The following KIAA1671 variants were observed in gnomAD, a reference collection of about 807,000 sequenced individuals.
KIAA1671 encodes uncharacterized protein KIAA1671.
Under a neutral mutation model 131.2 loss-of-function variants are expected in KIAA1671, and 52 were observed. The ratio of observed to expected loss-of-function variants is 0.40; its 90% CI spans 0.32 to 0.50. The LOEUF is 0.50. Among genes scored for constraint, KIAA1671 ranks in the 20% least tolerant of loss-of-function variants. The pLI, the probability that KIAA1671 is intolerant of heterozygous loss-of-function variation, is 0.73. For missense variants in KIAA1671, 2,360 were observed against 2,364.2 expected (o/e 1.00, Z 0.04); for synonymous variants, 1,003 against 961.6 (o/e 1.04, Z -0.80).
intron 7 of KIAA1671, among the ~76,000 whole-genome samples, chr22:25,173,654 G>A (rs1933924759): frequency 2.6e-5 from 4 of 152,124 alleles, no homozygotes; most frequent in Admixed American, 2.6e-4. Context: ...AGCTGCAAAT[G>A]CAAGACATAT....
intron 6 of KIAA1671, among the ~76,000 whole-genome samples, chr22:25,136,279 A>G (rs1267757856): frequency 1.3e-5 from 2 of 152,156 alleles, no homozygotes; most frequent in African/African-American, 4.8e-5. Flanking sequence ...AAACACAATC[A>G]GCATTATGAT....
At chr22:25,060,541 G>C (rs1046203739) in intron 6 of KIAA1671, 7 of 152,150 alleles carry the variant, frequency 4.6e-5, no homozygotes, top group African/African-American at 1.4e-4. Context: ...AGCTGCCTTC[G>C]GTTCACACTC....
intron 3 of KIAA1671, among the ~76,000 whole-genome samples, chr22:25,031,282 C>T (rs1292808068): frequency 4.6e-5 from 7 of 151,470 alleles, no homozygotes; most frequent in African/African-American, 1.5e-4. Flanking sequence ...CTGCAAGCTC[C>T]GCCTCCCAGG....
rs1304439346 is a variant in KIAA1671 at position 25,189,093 on chromosome 22, C to T, written c.5343-1609C>T. Among the ~76,000 whole-genome samples, 3 of 148,218 alleles carry T rather than the reference C, an allele frequency of 2.0e-5. No homozygotes were observed. In the South Asian group the frequency reaches 6.4e-4, roughly 32 times the overall value. On this transcript the variant is annotated intron_variant, in intron 11 of 12. Transcript: ENST00000358431. ...TGAGGAAGTGTCGAAGTCCAAAAGG[C>T]TTCCCTCTTCTTCCTGGGAGGCCAG... is the stretch of plus-strand genomic sequence containing the variant.
At chr22:25,069,025 C>A (rs2145846892) in intron 6 of KIAA1671, among the ~76,000 whole-genome samples, 1 of 152,310 alleles carries the variant, frequency 6.6e-6, no homozygotes, top group East Asian at 1.9e-4. Flanking sequence ...GGGTTATGGC[C>A]TCGGCTTATG....
chr22:24,975,194 C>T (rs933322755), intron 1 of KIAA1671, among the ~76,000 whole-genome samples: 1 of 152,146 alleles, frequency 6.6e-6, no homozygotes, highest in African/African-American at 2.4e-5. Context: ...TGGATTTGCC[C>T]GTTCTGGACA....
intron 5 of KIAA1671, among the ~76,000 whole-genome samples, chr22:25,046,227 A>T (rs1359393798): frequency 6.6e-6 from 1 of 152,090 alleles, no homozygotes; most frequent in African/African-American, 2.4e-5. Flanking sequence ...GCTTGAACCC[A>T]GGAAGCGGAG....
intron 6 of KIAA1671, among the ~76,000 whole-genome samples, chr22:25,155,694 G>A (rs995715518): frequency 1.5e-4 from 23 of 151,926 alleles, no homozygotes; most frequent in Admixed American, 9.8e-4. Flanking sequence ...GCATATCTGT[G>A]TGTTTATACA....
intron 6 of KIAA1671, among the ~76,000 whole-genome samples, chr22:25,125,522 C>T (rs904555625): frequency 1.3e-5 from 2 of 152,120 alleles, no homozygotes; most frequent in African/African-American, 4.8e-5. Context: ...ATTTGGGGTT[C>T]GTTTCCTGAG....
intron 6 of KIAA1671, among the ~76,000 whole-genome samples, chr22:25,150,049 T>G (rs761121202): frequency 1.3e-5 from 2 of 152,202 alleles, no homozygotes; most frequent in Non-Finnish European, 2.9e-5. Context: ...ATTTTAAGCT[T>G]CTCCAGGGCA....
rs963723774 is a variant in KIAA1671, at chr22:25,137,674, A to G, written c.4531-33146A>G. Among the ~76,000 whole-genome samples the G allele has an allele frequency of 5.9e-5, 9 of 152,220 alleles. No homozygotes were observed. The South Asian group carries it at 1.9e-3, about 32-fold the overall frequency. ...GGGGCACAGTTTACCAACTTCTATA[A>G]GTGTGTTTTTCACTTTCTGCTCAAT... On this transcript the variant is annotated intron_variant, in intron 6 of 12. Coordinates refer to ENST00000358431, the MANE Select transcript of KIAA1671 (RefSeq NM_001145206.2).
intron 5 of KIAA1671, among the ~76,000 whole-genome samples, chr22:25,048,149 G>A (rs1212117928): frequency 1.3e-5 from 2 of 152,222 alleles, no homozygotes; most frequent in Non-Finnish European, 2.9e-5. Flanking sequence ...TGTGGGAGGA[G>A]CAACTGTGGA....
intron 6 of KIAA1671, chr22:25,058,162 G>A (rs894432663): frequency 1.3e-5 from 2 of 152,158 alleles, no homozygotes; most frequent in African/African-American, 2.4e-5. Flanking sequence ...AAATCTAAAT[G>A]CATGGGGGCA....
chr22:24,988,237 G>A (rs531098524), intron 1 of KIAA1671, among the ~76,000 whole-genome samples: 3 of 139,780 alleles, frequency 2.1e-5, no homozygotes, highest in South Asian at 4.7e-4. Flanking sequence ...CCGAGATCGC[G>A]CCATTGCACT....
intron 12 of KIAA1671, among the ~76,000 whole-genome samples, chr22:25,191,451 C>T (rs966851908): frequency 1.3e-5 from 2 of 152,086 alleles, no homozygotes; most frequent in Admixed American, 6.5e-5. Context: ...CCACTGTGCC[C>T]GGCCAGAAAT....
chr22:25,040,386 A>G lies in KIAA1671; in HGVS notation c.3256A>G (p.Lys1086Glu). ...AGAGGCATTGGAGATGGCAGGCAGT[A>G]AAAACTGGATGAAGGGACGAGAGCA... ...HEEALEMAGS[K>E]NWMKGREHEN... Residue 1086 changes from lysine to glutamate, a missense_variant, in exon 5 of 13, where the codon AAA becomes GAA. By Grantham distance (56) the Lys-to-Glu change is moderately conservative. This residue lies in a region of KIAA1671 where 1,161 missense variants were observed against 1,204.7 expected (regional missense o/e 0.96). Coordinates refer to ENST00000358431, the MANE Select transcript of KIAA1671 (RefSeq NM_001145206.2). The G allele has an allele frequency of 6.4e-7, 1 of 1,551,958 alleles. No individual in the cohort carries two copies. Among genetic ancestry groups the G allele is most frequent in the South Asian group, 1.2e-5 (1 of 84,068 alleles).
chr22:25,131,736 G>A (rs1932450026), intron 6 of KIAA1671, among the ~76,000 whole-genome samples: 1 of 152,254 alleles, frequency 6.6e-6, no homozygotes, highest in Non-Finnish European at 1.5e-5. Flanking sequence ...ACAGGGTGAT[G>A]CCATCCTTCT....
In KIAA1671 at chr22:25,025,716, A is replaced by G. The variant is rs1358366968; in HGVS notation, c.-124A>G. The G allele has an allele frequency of 6.6e-6, 1 of 152,148 alleles. No homozygotes were observed. Among genetic ancestry groups the G allele is most frequent in the Admixed American group, 6.5e-5 (1 of 15,272 alleles). 9.4% of individuals were successfully genotyped at this position (152,148 alleles called of 1,614,324 possible). ...TGGAAGTGTGTGGACAGCCCCATTCATGATGACATGTGACACTACTGGCTT... is the reference window on the plus strand; with the variant it reads ...TGGAAGTGTGTGGACAGCCCCATTCGTGATGACATGTGACACTACTGGCTT... On this transcript the variant is annotated 5_prime_UTR_variant, in exon 2 of 13. An upstream start codon of the reference 5' UTR is lost. Coordinates refer to ENST00000358431, the MANE Select transcript of KIAA1671 (RefSeq NM_001145206.2).
chr22:25,135,377 G>A (rs1003797871), intron 6 of KIAA1671, among the ~76,000 whole-genome samples: 8 of 152,092 alleles, frequency 5.3e-5, no homozygotes, highest in South Asian at 4.2e-4. Flanking sequence ...TAGTAGAGAC[G>A]GGGTTTCACT....
Sources: gnomAD v4.1 joint callset for allele counts (sites outside exome capture counted in the v4.1 genomes callset) on GRCh38, gnomAD v4.1.1 for gene constraint, gnomAD v4.1.1 regional missense constraint, MANE v1.5 for transcripts, NCBI Gene and HGNC (gene_info 2026-07-23, HGNC 2026-07-21) for gene names.